The following PGAM5 variants were observed in gnomAD, a reference collection of about 807,000 sequenced individuals.
PGAM5 encodes PGAM family member 5, mitochondrial serine/threonine protein phosphatase.
Under a neutral mutation model 30.6 loss-of-function variants are expected in PGAM5, and 25 were observed. The observed-to-expected ratio is 0.82, with a 90% CI of 0.60 to 1.14. PGAM5 has a LOEUF of 1.14. Among genes scored for constraint, PGAM5 ranks in the 50% most tolerant of loss-of-function variants. PGAM5 has a pLI of 0.00. For synonymous variants in PGAM5, 201 were observed against 179.1 expected, an observed-to-expected ratio of 1.12 and a Z score of -0.98; for missense variants, 384 against 408.5, an observed-to-expected ratio of 0.94 and a Z score of 0.52.
At chr12:132,713,161 A>G (rs2043538681) in intron 1 of PGAM5, among the ~76,000 whole-genome samples, 2 of 152,156 alleles carry the variant, frequency 1.3e-5, no homozygotes, top group Admixed American at 6.5e-5. Context: ...CTCTGTCTCA[A>G]AAAAGAAAAA....
At chr12:132,711,213 T>G in intron 1 of PGAM5, 146 bp downstream of exon 1, 1 of 600,218 alleles carries the variant, frequency 1.7e-6, no homozygotes, top group Non-Finnish European at 2.3e-6. Flanking sequence ...AGGAGCCGCT[T>G]TCCGGGGCCG....
At chr12:132,720,239 G>A (rs2043629292) in intron 5 of PGAM5, among the ~76,000 whole-genome samples, 2 of 151,166 alleles carry the variant, frequency 1.3e-5, no homozygotes, top group Admixed American at 1.3e-4. Flanking sequence ...GCCTCTGTTT[G>A]TAGAACAGAG....
chr12:132,718,410 GCTGGGTGGGGGTGTC>G (rs2043606465), intron 5 of PGAM5, among the ~76,000 whole-genome samples: 1 of 49,504 alleles, frequency 2.0e-5, no homozygotes. Flanking sequence ...TGGGGTGCGT[GCTGGGTGGGGGTGTC>G]CTGGGTGGGG....
intron 5 of PGAM5, among the ~76,000 whole-genome samples, chr12:132,720,396 C>T (rs569156575): frequency 2.0e-4 from 30 of 152,092 alleles, no homozygotes; most frequent in African/African-American, 7.2e-4. Flanking sequence ...CAAGCTCCGC[C>T]TCCCGGGTTC....
chr12:132,718,281 C>T (rs1253645675), intron 5 of PGAM5, among the ~76,000 whole-genome samples, 161 bp downstream of exon 5: 3 of 150,026 alleles, frequency 2.0e-5, no homozygotes, highest in Non-Finnish European at 4.4e-5. Context: ...GTCAGTTACG[C>T]GGTAGGTGGC....
Position 132,710,951 on chromosome 12 carries a change from C to T in PGAM5, c.75C>T (p.Ala25=). 8.5e-7 allele frequency: 1 copy of T among 1,180,770 alleles called. No individual in the cohort carries two copies. Among genetic ancestry groups the T allele is most frequent in the Non-Finnish European group, 1.0e-6 (1 of 956,006 alleles). The allele number at this position is 1,180,770 out of a possible 1,614,324, so 73.1% of individuals were successfully genotyped here. The change falls in exon 1 of 6, where the codon GCC becomes GCT. Residue 25 remains alanine (A), a synonymous_variant. Coordinates refer to ENST00000498926, the MANE Select transcript of PGAM5 (RefSeq NM_001170543.2). ...GCTCGGCCGCCGTGCTCTTCTCGGC[C>T]GTGGCGGTAGGGAAGCCGCGCGCAG... The part of the protein sequence containing the change: ...AGGSAAVLFS[A]VAVGKPRAGG...
chr12:132,713,928 C>G (rs969919187), intron 1 of PGAM5, among the ~76,000 whole-genome samples: 5 of 152,190 alleles, frequency 3.3e-5, no homozygotes, highest in Non-Finnish European at 7.3e-5. Flanking sequence ...CTCGGCCTCC[C>G]AAAGTGCTGG....
intron 1 of PGAM5, among the ~76,000 whole-genome samples, chr12:132,712,012 A>T (rs1222843614): frequency 6.6e-6 from 1 of 152,144 alleles, no homozygotes; most frequent in Non-Finnish European, 1.5e-5. Context: ...TATACTCAGT[A>T]CTTTGAGAAA....
At chr12:132,720,449 A>G (rs2043632125) in intron 5 of PGAM5, among the ~76,000 whole-genome samples, 1 of 152,032 alleles carries the variant, frequency 6.6e-6, no homozygotes, top group South Asian at 2.1e-4. Context: ...CTGGGACTAC[A>G]GGTGCCTGCT....
rs931876176 is a variant in PGAM5 at position 132,717,986 on chromosome 12, G to A, written c.586-1G>A. Reference sequence around the variant, plus strand: ...CTGACGGCTCCTCACTCTGCCCCCAGCAGTATTACGAAGACGGAGCCCGGA... The same window carrying A: ...CTGACGGCTCCTCACTCTGCCCCCAACAGTATTACGAAGACGGAGCCCGGA... On this transcript the variant is annotated splice_acceptor_variant, in intron 4 of 5. Coordinates refer to ENST00000498926, the MANE Select transcript of PGAM5 (RefSeq NM_001170543.2). LOFTEE classifies it high-confidence loss of function. 19 of 1,612,680 alleles carry A rather than the reference G, an allele frequency of 1.2e-5. No individual in the cohort carries two copies. The highest frequency in any genetic ancestry group is 1.7e-4 in the Middle Eastern group (1 of 6,060).
At chr12:132,714,001 T>A (rs1465537151) in intron 1 of PGAM5, among the ~76,000 whole-genome samples, 1 of 151,992 alleles carries the variant, frequency 6.6e-6, no homozygotes, top group Non-Finnish European at 1.5e-5. Context: ...AATGTTTTCT[T>A]CCTCACTGAG....
chr12:132,716,299 A>C (rs796321630), intron 2 of PGAM5, among the ~76,000 whole-genome samples: 1 of 151,296 alleles, frequency 6.6e-6, no homozygotes, highest in Admixed American at 6.6e-5. Context: ...GTTAGCCAGG[A>C]TGGTCTCTAT....
chr12:132,718,782 C>A (rs760970905), intron 5 of PGAM5: 5 of 1,613,612 alleles, frequency 3.1e-6, no homozygotes, highest in Non-Finnish European at 4.2e-6. Context: ...CTGTTGTCCG[C>A]TGGGGATTTT....
intron 2 of PGAM5, among the ~76,000 whole-genome samples, chr12:132,715,256 CAGAAGACAAGCTTTTCA>C (rs1161030848): frequency 1.3e-5 from 2 of 152,266 alleles, no homozygotes; most frequent in African/African-American, 4.8e-5. Context: ...TGAACTTGGA[CAGAAGACAAGCTTTTCA>C]AAATGTCCTT....
At chr12:132,713,958 T>G (rs768734098) in intron 1 of PGAM5, among the ~76,000 whole-genome samples, 30 of 152,074 alleles carry the variant, frequency 2.0e-4, no homozygotes, top group Non-Finnish European at 4.1e-4. Flanking sequence ...TTTTTCAGAT[T>G]CCAGCAGCTC....
intron 5 of PGAM5, chr12:132,718,697 G>C: frequency 6.4e-7 from 1 of 1,559,676 alleles, no homozygotes; most frequent in Non-Finnish European, 8.8e-7. Flanking sequence ...CTTTGTAATT[G>C]AACGTCCTGT....
rs1191575854 is a variant in PGAM5 at position 132,720,759 on chromosome 12, C to T, written c.801C>T (p.Asn267=). 9.1e-6 allele frequency: 14 copies of T among 1,536,442 alleles called. No homozygotes were observed. Among genetic ancestry groups the T allele is most frequent in the East Asian group, 4.9e-5 (2 of 40,920 alleles). ...TCACCCACCTGGTGATCCGACCCAA[C>T]GGCCGAGTTGCGCTCAGGACCCTCG... ...GSITHLVIRP[N]GRVALRTLGD... is the part of the protein sequence containing the mutation. Residue 267 remains asparagine, a synonymous_variant, in exon 6 of 6, where the codon AAC becomes AAT. Coordinates refer to ENST00000498926, the MANE Select transcript of PGAM5 (RefSeq NM_001170543.2).
chr12:132,711,161 A>G, intron 1 of PGAM5, 94 bp downstream of exon 1: 1 of 979,990 alleles, frequency 1.0e-6, no homozygotes, highest in Non-Finnish European at 1.3e-6. Context: ...TAAGGTTGCG[A>G]TCGGGTCGGG....
In PGAM5 at chr12:132,718,098, G is replaced by A. The variant is rs2043601796; in HGVS notation, c.697G>A (p.Val233Ile). ...SYEIFICHAN[V>I]IRYIVCRALQ... ...CGAGATCTTCATCTGTCACGCCAAC[G>A]TCATCCGCTACATCGTGTGCAGGTA... Residue 233 changes from valine to isoleucine, a missense_variant, in exon 5 of 6, where the codon GTC (valine) becomes ATC (isoleucine). Val to Ile is a conservative substitution (Grantham distance 29). Coordinates refer to ENST00000498926, the MANE Select transcript of PGAM5 (RefSeq NM_001170543.2). 2.5e-6 allele frequency: 4 copies of A among 1,612,648 alleles called. No homozygotes were observed. Among genetic ancestry groups the A allele is most frequent in the Non-Finnish European group, 3.4e-6 (4 of 1,179,988 alleles).
Sources: allele counts gnomAD v4.1 joint callset (sites outside exome capture counted in the v4.1 genomes callset), GRCh38; gene constraint gnomAD v4.1.1; transcripts MANE v1.5; gene names NCBI Gene and HGNC (gene_info 2026-07-23, HGNC 2026-07-21).